The following KMT2C variants were observed in gnomAD, a reference collection of about 807,000 sequenced individuals.
KMT2C encodes histone-lysine N-methyltransferase 2C.
Under a neutral mutation model 507.9 loss-of-function variants are expected in KMT2C, and 88 were observed. That is an observed-to-expected ratio of 0.17 (90% confidence interval 0.15 to 0.21). The LOEUF (loss-of-function observed/expected upper bound fraction) is 0.21. Ranked by LOEUF, KMT2C falls within the 10% of genes least tolerant of loss-of-function variation. The probability of loss-of-function intolerance (pLI) is 1.00; values close to 1 mark genes in which losing one functional copy is unlikely to be tolerated. For missense variants in KMT2C, 4,954 were observed against 5,957.8 expected (o/e 0.83, Z 5.55); for synonymous variants, 2,049 against 2,080.8 (o/e 0.98, Z 0.42).
chr7:152,165,664 G>C (rs547511225), intron 42 of KMT2C, among the ~76,000 whole-genome samples: 1 of 152,194 alleles, frequency 6.6e-6, no homozygotes, highest in East Asian at 1.9e-4. Flanking sequence ...CATGTACAGT[G>C]GGGGTATTTT....
At chr7:152,391,704 T>C (rs897376555) in intron 1 of KMT2C, among the ~76,000 whole-genome samples, 1 of 152,044 alleles carries the variant, frequency 6.6e-6, no homozygotes, top group East Asian at 1.9e-4. Context: ...ACCGGGCTAA[T>C]TTTTGTATTT....
At chr7:152,358,706 T>C (rs761159359) in intron 1 of KMT2C, 31 bp from the exon 2 acceptor site, 32 of 1,332,086 alleles carry the variant, frequency 2.4e-5, no homozygotes, top group Non-Finnish European at 3.0e-5. Context: ...AATAAGTACA[T>C]AGAGTTAAAT....
Position 152,174,134 on chromosome 7 carries a change from C to G in KMT2C, c.9371G>C (p.Ser3124Thr). The change falls in exon 39 of 59, where the codon AGC (serine) becomes ACC (threonine). Residue 3124 changes from serine to threonine, a missense_variant. Physicochemically the swap from Ser to Thr is moderately conservative, Grantham distance 58 (BLOSUM62 1). This residue lies in a region of KMT2C where 1,689 missense variants were observed against 1,654.3 expected (regional missense o/e 1.02). Coordinates refer to ENST00000262189, the MANE Select transcript of KMT2C (RefSeq NM_170606.3). ...NNLGMPPMVM[S>T]RFPFMGQVVT... ...AACAAGCAGCCACTCCACCTACCTGCTCATCACCATTGGTGGCATGCCCAG... is the reference window on the plus strand; with the variant it reads ...AACAAGCAGCCACTCCACCTACCTGGTCATCACCATTGGTGGCATGCCCAG... 1 of 1,569,376 alleles carries G rather than the reference C, an allele frequency of 6.4e-7. No individual in the cohort carries two copies. The highest frequency in any genetic ancestry group is 8.7e-7 in the Non-Finnish European group (1 of 1,145,988).
At chr7:152,203,599 G>C (rs146738623) in intron 25 of KMT2C, among the ~76,000 whole-genome samples, 1 of 152,108 alleles carries the variant, frequency 6.6e-6, no homozygotes, top group Non-Finnish European at 1.5e-5. Flanking sequence ...ACTTATTCTT[G>C]AAATCAGAAA....
chr7:152,250,937 G>T lies in KMT2C; in HGVS notation c.1651C>A (p.Pro551Thr). ...DYNNEMEVEGPEDQMVFSEQA... is the reference protein window; with the variant it reads ...DYNNEMEVEGTEDQMVFSEQA... ...TCTGAGAATACCATTTGATCTTCAG[G>T]GCCTTCAACTTCCATTTCATTGTTA... is the stretch of plus-strand genomic sequence containing the variant. The change falls in exon 12 of 59, where the codon CCT (proline) becomes ACT (threonine). Residue 551 changes from proline (P) to threonine (T), a missense_variant. By Grantham distance (38) the Pro-to-Thr change is conservative. Coordinates refer to ENST00000262189, the MANE Select transcript of KMT2C (RefSeq NM_170606.3). The T allele has an allele frequency of 6.2e-7, 1 of 1,604,892 alleles. No individual in the cohort carries two copies. Among genetic ancestry groups the T allele is most frequent in the African/African-American group, 1.3e-5 (1 of 74,674 alleles).
At chr7:152,288,562 T>A (rs903503873) in intron 6 of KMT2C, among the ~76,000 whole-genome samples, 4 of 151,302 alleles carry the variant, frequency 2.6e-5, no homozygotes, top group Non-Finnish European at 5.9e-5. Context: ...ATATTTTTTT[T>A]TTAAAAAAGA....
intron 1 of KMT2C, among the ~76,000 whole-genome samples, chr7:152,366,468 C>G (rs750422577): frequency 2.0e-5 from 3 of 152,050 alleles, no homozygotes; most frequent in Non-Finnish European, 2.9e-5. Flanking sequence ...TGACAACAAT[C>G]TCCTAAGTGA....
At chr7:152,167,657 T>C (rs1042631873) in intron 41 of KMT2C, among the ~76,000 whole-genome samples, 1 of 152,222 alleles carries the variant, frequency 6.6e-6, no homozygotes, top group East Asian at 1.9e-4. Flanking sequence ...ACTTATGTAA[T>C]GAAATTCTTT....
At chr7:152,435,406 G>A (rs908051148) in intron 1 of KMT2C, among the ~76,000 whole-genome samples, 68 of 149,796 alleles carry the variant, frequency 4.5e-4, no homozygotes, top group Admixed American at 8.6e-4. Context: ...GGGCGCCGGC[G>A]GGAGCCCGGG....
At position 152,158,508 on chromosome 7, in the gene KMT2C, TTTG is replaced by T. The variant is rs756333050; in HGVS notation, c.11670+352_11670+354del. On this transcript the variant is annotated intron_variant, in intron 44 of 58. Transcript: ENST00000262189. ...TTTGATCTCTCGTGTCCTTGAATTG[TTTG>T]TTTTTTTTTTGTTTTTTTTTTTGAG... Among the ~76,000 whole-genome samples the T allele has an allele frequency of 3.7e-4, 38 of 103,004 alleles. No homozygotes were observed. In the South Asian group the frequency reaches 3.9e-3, roughly 11 times the overall value. 67.6% of individuals were successfully genotyped at this position (103,004 alleles called of 152,430 possible).
chr7:152,379,160 TA>T (rs1313090069), intron 1 of KMT2C, among the ~76,000 whole-genome samples: 1 of 152,166 alleles, frequency 6.6e-6, no homozygotes, highest in Admixed American at 6.6e-5. Flanking sequence ...AAATTATTAT[TA>T]TTTTTTTAAA....
At chr7:152,355,026 T>C (rs1002292554) in intron 2 of KMT2C, among the ~76,000 whole-genome samples, 5 of 152,154 alleles carry the variant, frequency 3.3e-5, no homozygotes, top group African/African-American at 1.2e-4. Context: ...TCCAGTGGAA[T>C]GGTAGTGTGA....
At chr7:152,194,946 T>C (rs113332572) in intron 28 of KMT2C, among the ~76,000 whole-genome samples, 121 of 152,220 alleles carry the variant, frequency 7.9e-4, no homozygotes, top group African/African-American at 1.9e-3. Flanking sequence ...ACAGTTCAAT[T>C]ATTATGCACA....
At chr7:152,235,041 G>A (rs1485626619) in intron 16 of KMT2C, among the ~76,000 whole-genome samples, 1 of 152,078 alleles carries the variant, frequency 6.6e-6, no homozygotes, top group Non-Finnish European at 1.5e-5. Flanking sequence ...TCCAAAAAGT[G>A]TACAGTTCTG....
At chr7:152,384,107 G>C (rs2097399500) in intron 1 of KMT2C, among the ~76,000 whole-genome samples, 3 of 152,006 alleles carry the variant, frequency 2.0e-5, no homozygotes, top group Admixed American at 2.0e-4. Flanking sequence ...CAGGAGTAAT[G>C]CCAAGAATGA....
At chr7:152,154,210 A>T in intron 47 of KMT2C, 57 bp downstream of exon 47, 4 of 1,610,738 alleles carry the variant, frequency 2.5e-6, no homozygotes, top group Non-Finnish European at 3.4e-6. Context: ...CAAAATATTT[A>T]CATTAGTAAA....
chr7:152,162,598 G>C lies in KMT2C; in HGVS notation c.10979C>G (p.Ser3660Trp). 6.2e-7 allele frequency: 1 copy of C among 1,614,168 alleles called. No homozygotes were observed. The highest frequency in any genetic ancestry group is 8.5e-7 in the Non-Finnish European group (1 of 1,180,030). Residue 3660 changes from serine to tryptophan, a missense_variant, in exon 43 of 59, where the codon TCG becomes TGG. Coordinates refer to ENST00000262189, the MANE Select transcript of KMT2C (RefSeq NM_170606.3). ...AGTGGATGGGCCGACTGGTTCCACCGACTCTTGGTCGGCTTGTTGAGGAAG... is the reference window on the plus strand; with the variant it reads ...AGTGGATGGGCCGACTGGTTCCACCCACTCTTGGTCGGCTTGTTGAGGAAG... ...SELPQQADQE[S>W]VEPVGPSTPN...
intron 42 of KMT2C, among the ~76,000 whole-genome samples, chr7:152,164,353 G>C (rs113383650): frequency 3.7e-4 from 55 of 149,912 alleles, no homozygotes; most frequent in African/African-American, 1.3e-3. Flanking sequence ...GCAGTGGCGC[G>C]ATCTCGGCTC....
intron 8 of KMT2C, among the ~76,000 whole-genome samples, chr7:152,263,620 G>GT (rs2095816367): frequency 2.0e-5 from 3 of 152,122 alleles, no homozygotes; most frequent in Admixed American, 6.5e-5. Flanking sequence ...TGAGTTCCAG[G>GT]TATAAAATGG....
Sources: allele counts gnomAD v4.1 joint callset (sites outside exome capture counted in the v4.1 genomes callset), GRCh38; gene constraint gnomAD v4.1.1; regional missense constraint gnomAD v4.1.1; transcripts MANE v1.5; gene names NCBI Gene and HGNC (gene_info 2026-07-23, HGNC 2026-07-21).